Variants in GCGR observed in about 807,000 individuals in gnomAD.
The protein encoded by GCGR is glucagon receptor.
A neutral mutation model predicts 56.1 loss-of-function variants in GCGR; 41 were observed. The ratio of observed to expected loss-of-function variants is 0.73; its 90% CI spans 0.57 to 0.95. The LOEUF is 0.95. Ranked by LOEUF, GCGR falls within the 40% of genes least tolerant of loss-of-function variation. GCGR has a pLI of 0.00. For missense variants in GCGR, 595 were observed against 638.2 expected (o/e 0.93, Z 0.73); for synonymous variants, 278 against 271.1 (o/e 1.03, Z -0.25).
At chr17:81,809,478 CCTGCCTGTCCGT>C (rs1203283984) in intron 2 of GCGR, among the ~76,000 whole-genome samples, 1,147 of 110,492 alleles carry the variant, frequency 0.01, 6 homozygotes, top group Middle Eastern at 0.015. Flanking sequence ...TGCCTGTCTG[CCTGCCTGTCCGT>C]CTGCCTGTCC....
Position 81,811,438 on chromosome 17 carries a change from A to C in GCGR, c.535A>C (p.Asn179His), listed in dbSNP as rs756243536. The change falls in exon 7 of 14, where the codon AAT becomes CAT. Residue 179 changes from asparagine to histidine, a missense_variant. Asn to His is a moderately conservative substitution (Grantham distance 68, BLOSUM62 1). Transcript: ENST00000400723. The surrounding 1 kb of genome is among the most constrained non-coding windows in gnomAD (Gnocchi z 5.8). Reference protein sequence around the residue: ...LHCTRNAIHANLFASFVLKAS... With the variant: ...LHCTRNAIHAHLFASFVLKAS... ...CTGCACCCGCAATGCCATCCACGCG[A>C]ATCTGTTTGCGTCCTTCGTGCTGAA... 1 of 1,536,572 alleles carries C rather than the reference A, an allele frequency of 6.5e-7. No homozygotes were observed. Among genetic ancestry groups the C allele is most frequent in the Non-Finnish European group, 8.7e-7 (1 of 1,146,854 alleles).
rs945194285 is a variant in GCGR at position 81,810,205 on chromosome 17, C to T, written c.163+321C>T. The T allele has an allele frequency of 3.1e-4, 136 of 445,056 alleles. No homozygotes were observed. Among genetic ancestry groups the T allele is most frequent in the Middle Eastern group, 6.8e-4 (1 of 1,460 alleles). 27.6% of individuals were successfully genotyped at this position (445,056 alleles called of 1,614,324 possible). A position where few individuals can be genotyped will look rare whatever the true frequency, so the allele number is the denominator to read the frequency against. On this transcript the variant is annotated intron_variant, in intron 3 of 13. Transcript: ENST00000400723. The surrounding 1 kb of genome is among the most constrained non-coding windows in gnomAD (Gnocchi z 4.6). The stretch of plus-strand genomic sequence containing the variant: ...TGGAGTTTTCAGTGGGCAGACAGTG[C>T]CAGGGCGTGGAAGCTGGGACCCAGG...
rs946980340 is a variant in GCGR, at chr17:81,810,800, T to C, written c.164-25T>C. The C allele has an allele frequency of 2.0e-6, 3 of 1,518,804 alleles. No individual in the cohort carries two copies. The African/African-American group carries it at 4.1e-5, about 21-fold the overall frequency. The allele number at this position is 1,518,804 out of a possible 1,614,324, so 94.1% of individuals were successfully genotyped here. On this transcript the variant is annotated intron_variant, in intron 3 of 13. Coordinates refer to ENST00000400723, the MANE Select transcript of GCGR (RefSeq NM_000160.5). This position sits in a 1 kb window ranked among gnomAD's most constrained non-coding sequence, Gnocchi z 4.6. ...TCTCCCACCCTGCCCTGCCCTGCTC[T>C]GCCCTGCCCTACCCTACCCTGCAGA...
chr17:81,806,793 C>A lies in GCGR; in HGVS notation c.-177-2049C>A, dbSNP rs1011974746. 7.5e-5 allele frequency among the ~76,000 whole-genome samples: 9 copies of A among 120,348 alleles called. No individual in the cohort carries two copies. Among genetic ancestry groups the A allele is most frequent in the Admixed American group, 4.8e-4 (6 of 12,574 alleles). 79.0% of individuals were successfully genotyped at this position (120,348 alleles called of 152,430 possible). A position where few individuals can be genotyped will look rare whatever the true frequency, so the allele number is the denominator to read the frequency against. ...CCCAGGGTGAGCACGCGTCCCCCCC[C>A]ACCCCCACTTCGAGGCGCCCAGGCA... is the stretch of plus-strand genomic sequence containing the variant. On this transcript the variant is annotated intron_variant, in intron 1 of 13. Coordinates refer to ENST00000400723, the MANE Select transcript of GCGR (RefSeq NM_000160.5). The surrounding 1 kb of genome is among the most constrained non-coding windows in gnomAD (Gnocchi z 6.5).
Position 81,813,518 on chromosome 17 carries a change from C to T in GCGR, c.1263C>T (p.Gly421=). Residue 421 remains glycine, a synonymous_variant, in exon 14 of 14, where the codon GGC becomes GGT. Coordinates refer to ENST00000400723, the MANE Select transcript of GCGR (RefSeq NM_000160.5). The surrounding 1 kb of genome is among the most constrained non-coding windows in gnomAD (Gnocchi z 5.3). ...LRRRWHRWRL[G]KVLWEERNTS... ...GGCGTTGGCACCGCTGGCGCCTGGG[C>T]AAAGTGCTATGGGAGGAGCGGAACA... 1 of 1,535,908 alleles carries T rather than the reference C, an allele frequency of 6.5e-7. No homozygotes were observed. Among genetic ancestry groups the T allele is most frequent in the Non-Finnish European group, 8.7e-7 (1 of 1,146,774 alleles).
intron 1 of GCGR, chr17:81,805,308 T>C (rs1360712416): frequency 6.6e-6 from 1 of 152,536 alleles, no homozygotes; most frequent in East Asian, 1.9e-4. Flanking sequence ...AAGAGTCACG[T>C]GTTCTGCCAG....
In GCGR at chr17:81,808,749, G is replaced by C. The variant is rs1193762240; in HGVS notation, c.-177-93G>C. 19 of 544,646 alleles carry C rather than the reference G, an allele frequency of 3.5e-5. No individual in the cohort carries two copies. In the Admixed American group the frequency reaches 6.2e-4, roughly 18 times the overall value. 33.7% of individuals were successfully genotyped at this position (544,646 alleles called of 1,614,324 possible). A position where few individuals can be genotyped will look rare whatever the true frequency, so the allele number is the denominator to read the frequency against. ...TTAGCCAGGATGGTCTCGATCTCCAGACCTCGTGATCCACCCCCCTCGGCC... is the reference window on the plus strand; with the variant it reads ...TTAGCCAGGATGGTCTCGATCTCCACACCTCGTGATCCACCCCCCTCGGCC... On this transcript the variant is annotated intron_variant, in intron 1 of 13. Transcript: ENST00000400723.
rs769168272 is a variant in GCGR, at chr17:81,812,156, C to T, written c.879-27C>T. ...GGCGGAGGGGCTGGGGGCTGTGCCC[C>T]AGTATGTGAGTGGCCTGGCCTCGCA... On this transcript the variant is annotated intron_variant, in intron 9 of 13. Transcript: ENST00000400723. The surrounding 1 kb of genome is among the most constrained non-coding windows in gnomAD (Gnocchi z 8.5). The T allele has an allele frequency of 2.0e-6, 3 of 1,535,736 alleles. No homozygotes were observed. The highest frequency in any genetic ancestry group is 8.7e-7 in the Non-Finnish European group (1 of 1,146,618).
In GCGR at chr17:81,813,643, C is replaced by A. The variant is rs1220319020; in HGVS notation, c.1388C>A (p.Thr463Asn). ...GGGSQDSSAE[T>N]PLAGGLPRLA... ...GGCAGCCAGGATTCATCTGCGGAGA[C>A]CCCCTTGGCTGGTGGCCTCCCTAGA... The change falls in exon 14 of 14, where the codon ACC becomes AAC. Residue 463 changes from threonine (T) to asparagine (N), a missense_variant. By Grantham distance (65) the Thr-to-Asn change is moderately conservative. Coordinates refer to ENST00000400723, the MANE Select transcript of GCGR (RefSeq NM_000160.5). This position sits in a 1 kb window ranked among gnomAD's most constrained non-coding sequence, Gnocchi z 5.3. 1.3e-6 allele frequency: 2 copies of A among 1,536,104 alleles called. No homozygotes were observed. Among genetic ancestry groups the A allele is most frequent in the Non-Finnish European group, 1.7e-6 (2 of 1,146,806 alleles).
At chr17:81,808,563 A>C (rs1382103657) in intron 1 of GCGR, among the ~76,000 whole-genome samples, 1 of 130,264 alleles carries the variant, frequency 7.7e-6, no homozygotes, top group African/African-American at 3.0e-5. Flanking sequence ...TCTGTCACCC[A>C]GGCTGGACTG....
Position 81,810,721 on chromosome 17 carries a change from A to T in GCGR, c.164-104A>T. 1 of 1,096,008 alleles carries T rather than the reference A, an allele frequency of 9.1e-7. No individual in the cohort carries two copies. Among genetic ancestry groups the T allele is most frequent in the Non-Finnish European group, 1.3e-6 (1 of 750,280 alleles). 67.9% of individuals were successfully genotyped at this position (1,096,008 alleles called of 1,614,324 possible). On this transcript the variant is annotated intron_variant, in intron 3 of 13. Coordinates refer to ENST00000400723, the MANE Select transcript of GCGR (RefSeq NM_000160.5). The surrounding 1 kb of genome is among the most constrained non-coding windows in gnomAD (Gnocchi z 4.6). The stretch of plus-strand genomic sequence containing the variant: ...CCCAGGCCATGTCCTGGGCGAGGTG[A>T]CGGCCGAGCTCAGGCTTCCAGAGAG...
Position 81,811,683 on chromosome 17 carries a change from C to G in GCGR, c.690C>G (p.Phe230Leu). ...CTGGCTGCCGTGTGGCCGCGGTGTT[C>G]ATGCAATATGGCATCGTGGCCAACT... The part of the protein sequence containing the change: ...AVAGCRVAAV[F>L]MQYGIVANYC... Residue 230 changes from phenylalanine (F) to leucine (L), a missense_variant, in exon 8 of 14, where the codon TTC becomes TTG. Coordinates refer to ENST00000400723, the MANE Select transcript of GCGR (RefSeq NM_000160.5). This position sits in a 1 kb window ranked among gnomAD's most constrained non-coding sequence, Gnocchi z 5.8. The G allele has an allele frequency of 6.5e-7, 1 of 1,539,984 alleles. No homozygotes were observed. The highest frequency in any genetic ancestry group is 8.7e-7 in the Non-Finnish European group (1 of 1,148,974).
chr17:81,807,845 G>A lies in GCGR; in HGVS notation c.-177-997G>A, dbSNP rs527722679. Among the ~76,000 whole-genome samples the A allele has an allele frequency of 1.1e-4, 16 of 152,346 alleles. No individual in the cohort carries two copies. In the South Asian group the frequency reaches 3.3e-3, roughly 32 times the overall value. ...CGATTTGTGTAGCTGTTGCCACCCC[G>A]AACTCCCAGCTCAGATGCTGGCTGT... On this transcript the variant is annotated intron_variant, in intron 1 of 13. Coordinates refer to ENST00000400723, the MANE Select transcript of GCGR (RefSeq NM_000160.5).
Position 81,811,988 on chromosome 17 carries a change from G to C in GCGR, c.878+42G>C, listed in dbSNP as rs1342231468. 5.2e-6 allele frequency: 8 copies of C among 1,535,856 alleles called. No individual in the cohort carries two copies. Among genetic ancestry groups the C allele is most frequent in the South Asian group, 1.2e-5 (1 of 84,014 alleles). ...GGACAGCCTGGGGAGGGACCGGGGG[G>C]CTGGGGTGCGGCGCTCTGGCCTGAG... On this transcript the variant is annotated intron_variant, in intron 9 of 13. Coordinates refer to ENST00000400723, the MANE Select transcript of GCGR (RefSeq NM_000160.5). This position sits in a 1 kb window ranked among gnomAD's most constrained non-coding sequence, Gnocchi z 5.8.
At chr17:81,807,977 C>T (rs1336161054) in intron 1 of GCGR, among the ~76,000 whole-genome samples, 2 of 152,158 alleles carry the variant, frequency 1.3e-5, no homozygotes, top group Non-Finnish European at 2.9e-5. Context: ...TCCAAGTCGA[C>T]GCCCGCAGTG....
rs1339563918 is a variant in GCGR, at chr17:81,813,371, C to T, written c.1219-103C>T. ...GGAGCTTGTGTCGCTCTGCACCCCT[C>T]AGAGCGGAGACTGGGCATCTCCGAT... On this transcript the variant is annotated intron_variant, in intron 13 of 13. Coordinates refer to ENST00000400723, the MANE Select transcript of GCGR (RefSeq NM_000160.5). This position sits in a 1 kb window ranked among gnomAD's most constrained non-coding sequence, Gnocchi z 5.3. The T allele has an allele frequency of 2.6e-6, 3 of 1,148,450 alleles. No homozygotes were observed. The African/African-American group carries it at 4.6e-5, about 18-fold the overall frequency. The allele number at this position is 1,148,450 out of a possible 1,614,324, so 71.1% of individuals were successfully genotyped here. A position where few individuals can be genotyped will look rare whatever the true frequency, so the allele number is the denominator to read the frequency against.
Position 81,811,452 on chromosome 17 carries a change from C to T in GCGR, c.549C>T (p.Ser183=), listed in dbSNP as rs1304813221. The T allele has an allele frequency of 2.2e-5, 34 of 1,536,654 alleles. No individual in the cohort carries two copies. The highest frequency in any genetic ancestry group is 2.8e-5 in the Non-Finnish European group (32 of 1,146,866). The change falls in exon 7 of 14, where the codon TCC becomes TCT. Residue 183 remains serine (S), a synonymous_variant. Transcript: ENST00000400723. This position sits in a 1 kb window ranked among gnomAD's most constrained non-coding sequence, Gnocchi z 5.8. ...CCATCCACGCGAATCTGTTTGCGTCCTTCGTGCTGAAAGCCAGCTCCGTGC... is the reference window on the plus strand; with the variant it reads ...CCATCCACGCGAATCTGTTTGCGTCTTTCGTGCTGAAAGCCAGCTCCGTGC... ...RNAIHANLFA[S]FVLKASSVLV...
chr17:81,811,404 C>G lies in GCGR; in HGVS notation c.501C>G (p.Ser167Arg), dbSNP rs969354907. Residue 167 changes from serine to arginine, a missense_variant and splice_region_variant, in exon 7 of 14, where the codon AGC becomes AGG. By Grantham distance (110) the Ser-to-Arg change is moderately radical (BLOSUM62 -1). Transcript: ENST00000400723. The surrounding 1 kb of genome is among the most constrained non-coding windows in gnomAD (Gnocchi z 5.8). ...LLALAILGGL[S>R]KLHCTRNAIH... ...GGGCGCTGACTGGCTGTGCCCACAGCAAGCTGCACTGCACCCGCAATGCCA... is the reference window on the plus strand; with the variant it reads ...GGGCGCTGACTGGCTGTGCCCACAGGAAGCTGCACTGCACCCGCAATGCCA... The G allele has an allele frequency of 2.0e-5, 30 of 1,536,312 alleles. No individual in the cohort carries two copies. In the East Asian group the frequency reaches 7.3e-4, roughly 38 times the overall value.
In GCGR at chr17:81,809,896, AC is replaced by A; in HGVS notation, c.163+15del. ...GCCCCCTCCCACGGGTGAGCCCCCC[AC>A]CCAGAGCCTTTCAGCCTGTGCCTGG... is the stretch of plus-strand genomic sequence containing the variant. On this transcript the variant is annotated intron_variant, in intron 3 of 13. Transcript: ENST00000400723. 1 of 1,517,182 alleles carries A rather than the reference AC, an allele frequency of 6.6e-7. No individual in the cohort carries two copies. The highest frequency in any genetic ancestry group is 8.9e-7 in the Non-Finnish European group (1 of 1,129,518). The allele number at this position is 1,517,182 out of a possible 1,614,324, so 94.0% of individuals were successfully genotyped here. A position where few individuals can be genotyped will look rare whatever the true frequency, so the allele number is the denominator to read the frequency against.
Sources: allele counts gnomAD v4.1 joint callset (sites outside exome capture counted in the v4.1 genomes callset), GRCh38; gene constraint gnomAD v4.1.1; non-coding constraint Gnocchi (gnomAD v3.1); transcripts MANE v1.5; gene names NCBI Gene and HGNC (gene_info 2026-07-23, HGNC 2026-07-21).